CNTN5: variants seen among roughly 807,000 people sequenced by gnomAD.
CNTN5 encodes contactin-5.
CNTN5 carries 77 observed loss-of-function variants against 129.1 expected under a neutral mutation model. The observed-to-expected ratio is 0.60, with a 90% confidence interval of 0.50 to 0.72. CNTN5 has a LOEUF of 0.72. Ranked by LOEUF, CNTN5 falls within the 30% of genes least tolerant of loss-of-function variation. The probability of loss-of-function intolerance (pLI) is 0.00; values close to 1 mark genes in which losing one functional copy is unlikely to be tolerated. For missense variants in CNTN5, 1,478 were observed against 1,328.8 expected (o/e 1.11, Z -1.75); for synonymous variants, 509 against 465.6 (o/e 1.09, Z -1.20).
At chr11:99,806,955 TAC>T (rs1437630476) in intron 3 of CNTN5, among the ~76,000 whole-genome samples, 1 of 152,038 alleles carries the variant, frequency 6.6e-6, no homozygotes, top group Non-Finnish European at 1.5e-5. Flanking sequence ...AGCAAAACAC[TAC>T]GGTAAATGAA....
At position 99,617,859 on chromosome 11, in the gene CNTN5, A is replaced by G. The variant is rs182727601; in HGVS notation, c.55+61590A>G. ...ATAGTGCCCTACACATAGTTTTATC[A>G]CAGAATTTATTACCTACTTTGTTCA... On this transcript the variant is annotated intron_variant, in intron 3 of 24. Coordinates refer to ENST00000524871, the MANE Select transcript of CNTN5 (RefSeq NM_014361.4). Among the ~76,000 whole-genome samples the G allele has an allele frequency of 3.3e-5, 5 of 152,288 alleles. No homozygotes were observed. The East Asian group carries it at 9.6e-4, about 29-fold the overall frequency.
Position 99,534,835 on chromosome 11 carries a change from G to T in CNTN5, c.-70-21310G>T, listed in dbSNP as rs574862816. 1.8e-4 allele frequency among the ~76,000 whole-genome samples: 28 copies of T among 152,164 alleles called. No homozygotes were observed. The South Asian group carries it at 5.6e-3, about 30-fold the overall frequency. Reference sequence around the variant, plus strand: ...ATTGGGATGGTCAGGGAGAACTTTTGTCTGGTAGTGATAAGTCAACTACAA... The same window carrying T: ...ATTGGGATGGTCAGGGAGAACTTTTTTCTGGTAGTGATAAGTCAACTACAA... On this transcript the variant is annotated intron_variant, in intron 2 of 24. Transcript: ENST00000524871.
intron 9 of CNTN5, among the ~76,000 whole-genome samples, chr11:100,023,576 T>A (rs930009363): frequency 3.3e-5 from 5 of 152,218 alleles, no homozygotes; most frequent in African/African-American, 1.2e-4. Context: ...TGGATTTGAA[T>A]AAATGTATAA....
Position 100,071,713 on chromosome 11 carries a change from TGA to T in CNTN5, c.1311_1312del (p.Glu437AspfsTer3). ...TTTTAATTCCATTACAGAGTAGGGT[TGA>T]GATGGTTAATGGAGTATTGATGATC... Reference protein sequence around the residue: ...GVPLSPQSRVEMVNGVLMIHN... With the variant: ...GVPLSPQSRVXMVNGVLMIHN... On this transcript the variant is annotated frameshift_variant, in exon 12 of 25. Coordinates refer to ENST00000524871, the MANE Select transcript of CNTN5 (RefSeq NM_014361.4). LOFTEE classifies it high-confidence loss of function. 6 of 1,569,480 alleles carry T rather than the reference TGA, an allele frequency of 3.8e-6. No individual in the cohort carries two copies. The highest frequency in any genetic ancestry group is 5.2e-6 in the Non-Finnish European group (6 of 1,151,508).
chr11:99,725,230 A>G (rs1375576210), intron 3 of CNTN5, among the ~76,000 whole-genome samples: 4 of 152,152 alleles, frequency 2.6e-5, no homozygotes, highest in African/African-American at 7.2e-5. Context: ...TTTTTATAAG[A>G]CACTGTTTAA....
At chr11:99,405,148 A>G (rs1591634368) in intron 2 of CNTN5, among the ~76,000 whole-genome samples, 1 of 151,912 alleles carries the variant, frequency 6.6e-6, no homozygotes, top group Non-Finnish European at 1.5e-5. Context: ...TTTAAGGATC[A>G]TTTCTTTATT....
At chr11:99,920,931 G>T (rs1480985564) in intron 7 of CNTN5, among the ~76,000 whole-genome samples, 1 of 152,080 alleles carries the variant, frequency 6.6e-6, no homozygotes, top group Non-Finnish European at 1.5e-5. Context: ...TTTATATGAG[G>T]CCTTGAGGGT....
intron 7 of CNTN5, among the ~76,000 whole-genome samples, chr11:99,924,815 CATT>C (rs1950023790): frequency 1.3e-5 from 2 of 151,926 alleles, no homozygotes; most frequent in South Asian, 4.1e-4. Flanking sequence ...AGCTATTTAA[CATT>C]ATTTTTGAAC....
chr11:99,584,705 C>T (rs1288252732), intron 3 of CNTN5, among the ~76,000 whole-genome samples: 1 of 152,206 alleles, frequency 6.6e-6, no homozygotes, highest in Non-Finnish European at 1.5e-5. Flanking sequence ...CTGCTTCACG[C>T]ATGCAGAAGT....
At chr11:99,772,185 AG>A in intron 3 of CNTN5, among the ~76,000 whole-genome samples, 1 of 151,856 alleles carries the variant, frequency 6.6e-6, no homozygotes, top group East Asian at 1.9e-4. Context: ...CCATGTGCTA[AG>A]ACACTGTTTT....
intron 3 of CNTN5, among the ~76,000 whole-genome samples, chr11:99,731,507 C>T (rs542190111): frequency 9.2e-5 from 14 of 152,148 alleles, no homozygotes; most frequent in Admixed American, 2.0e-4. Context: ...ATACTTTACC[C>T]TTAAATTAAG....
At chr11:100,119,383 TG>T (rs1945942579) in intron 13 of CNTN5, among the ~76,000 whole-genome samples, 1 of 151,956 alleles carries the variant, frequency 6.6e-6, no homozygotes, top group Non-Finnish European at 1.5e-5. Context: ...TGTTGCTATT[TG>T]GTGATTGCTA....
chr11:99,540,819 T>C (rs781194365), intron 2 of CNTN5, among the ~76,000 whole-genome samples: 28 of 152,120 alleles, frequency 1.8e-4, no homozygotes, highest in Non-Finnish European at 3.7e-4. Context: ...CACTGAGGAA[T>C]GAATGAAAAT....
At chr11:99,249,375 A>G (rs760935607) in intron 1 of CNTN5, among the ~76,000 whole-genome samples, 5 of 152,228 alleles carry the variant, frequency 3.3e-5, no homozygotes, top group Admixed American at 6.6e-5. Context: ...AAGCCCTGCT[A>G]CATTTCAATG....
intron 9 of CNTN5, among the ~76,000 whole-genome samples, chr11:100,010,140 T>A (rs1940436812): frequency 6.6e-6 from 1 of 152,098 alleles, no homozygotes; most frequent in Non-Finnish European, 1.5e-5. Context: ...TAATAAATAT[T>A]TCATTTCAGT....
chr11:99,822,607 G>A (rs760313696), intron 4 of CNTN5, among the ~76,000 whole-genome samples: 31 of 152,084 alleles, frequency 2.0e-4, no homozygotes, highest in Admixed American at 5.9e-4. Flanking sequence ...TTACCACTGC[G>A]GACAAAGGGA....
intron 1 of CNTN5, among the ~76,000 whole-genome samples, chr11:99,147,187 C>A (rs1474696595): frequency 1.3e-5 from 2 of 152,088 alleles, no homozygotes; most frequent in South Asian, 4.1e-4. Context: ...TAGGTCAGGA[C>A]ACAATTAAAA....
chr11:100,277,891 C>T (rs1243252986), intron 18 of CNTN5, among the ~76,000 whole-genome samples: 1 of 151,996 alleles, frequency 6.6e-6, no homozygotes, highest in African/African-American at 2.4e-5. Context: ...TTGCCTACTC[C>T]GTTGTCTTGC....
At chr11:99,395,878 A>G (rs1435746212) in intron 2 of CNTN5, among the ~76,000 whole-genome samples, 1 of 151,656 alleles carries the variant, frequency 6.6e-6, no homozygotes, top group African/African-American at 2.4e-5. Flanking sequence ...TTTCTGGGCT[A>G]TCTATTCTGT....
Sources: allele counts gnomAD v4.1 joint callset (sites outside exome capture counted in the v4.1 genomes callset), GRCh38; gene constraint gnomAD v4.1.1; transcripts MANE v1.5; gene names NCBI Gene and HGNC (gene_info 2026-07-23, HGNC 2026-07-21).